Variants in DEFB134 observed in about 807,000 individuals in gnomAD.
The protein encoded by DEFB134 is defensin beta 134.
Under a neutral mutation model 7.4 loss-of-function variants are expected in DEFB134, and 7 were observed. The ratio of observed to expected loss-of-function variants is 0.95; its 90% CI spans 0.54 to 1.79. DEFB134 has a LOEUF of 1.79. Ranked by LOEUF, DEFB134 falls within the 40% of genes most tolerant of loss-of-function variation. The probability of loss-of-function intolerance (pLI) is 0.00; values close to 1 mark genes in which losing one functional copy is unlikely to be tolerated. For missense variants in DEFB134, 105 were observed against 74.8 expected, an observed-to-expected ratio of 1.40 and a Z score of -1.49; for synonymous variants, 33 against 25.0, an observed-to-expected ratio of 1.32 and a Z score of -0.96.
exon 2 of DEFB134, chr8:11,994,092 T>C (rs887961408): frequency 6.2e-7 from 1 of 1,613,478 alleles, no homozygotes; most frequent in Non-Finnish European, 8.5e-7. Flanking sequence ...ATAGCATTTC[T>C]TGTGCATTTC....
upstream of DEFB134, chr8:11,999,170 A>T (rs1234924003): frequency 5.4e-6 from 1 of 183,824 alleles, no homozygotes; most frequent in African/African-American, 2.4e-5. Flanking sequence ...GCCTGGTCAT[A>T]TCATGTCCAA....
chr8:11,995,477 C>T (rs1251041533), intron 1 of DEFB134, among the ~76,000 whole-genome samples: 1 of 152,156 alleles, frequency 6.6e-6, no homozygotes, highest in East Asian at 1.9e-4. Flanking sequence ...GATGAGATTG[C>T]TAAAGTCGGA....
upstream of DEFB134, among the ~76,000 whole-genome samples, chr8:11,996,897 A>T (rs1800138902): frequency 6.6e-6 from 1 of 152,322 alleles, no homozygotes; most frequent in East Asian, 1.9e-4. Context: ...GTTACTATTT[A>T]AAAAAACATT....
At chr8:11,996,601 G>T (rs988513509), upstream of DEFB134, among the ~76,000 whole-genome samples, 1 of 152,186 alleles carries the variant, frequency 6.6e-6, no homozygotes, top group East Asian at 1.9e-4. Context: ...CAATAAAAAT[G>T]TAATTGCTAA....
chr8:12,000,246 A>C (rs1447875965), upstream of DEFB134, among the ~76,000 whole-genome samples: 1 of 151,870 alleles, frequency 6.6e-6, no homozygotes, highest in Non-Finnish European at 1.5e-5. Flanking sequence ...TTTTTTTCAT[A>C]GCACTTGTCA....
upstream of DEFB134, among the ~76,000 whole-genome samples, chr8:11,996,796 G>C (rs78200062): frequency 0.017 from 2,572 of 152,132 alleles, 44 homozygotes; most frequent in Non-Finnish European, 0.025. Context: ...TTTGTAACTT[G>C]ATATATACTA....
intron 1 of DEFB134, 89 bp downstream of exon 2, chr8:11,996,105 C>T (rs2150559716): frequency 6.8e-7 from 1 of 1,475,638 alleles, no homozygotes; most frequent in East Asian, 2.3e-5. Flanking sequence ...AATTAAAGGG[C>T]CCATGGGTGG....
At chr8:11,994,241 C>G in intron 1 of DEFB134, 119 bp from the exon 3 acceptor site, 1 of 1,259,154 alleles carries the variant, frequency 7.9e-7, no homozygotes, top group Non-Finnish European at 1.1e-6. Context: ...ATAATTGATC[C>G]TGTAACTGAA....
chr8:11,999,381 T>C (rs184452749), upstream of DEFB134: 158 of 209,234 alleles, frequency 7.6e-4, no homozygotes, highest in Admixed American at 1.6e-3. Flanking sequence ...AAAGAAAGTG[T>C]TGAATATGAC....
chr8:12,000,718 T>C (rs1390265939), upstream of DEFB134, among the ~76,000 whole-genome samples: 1 of 152,230 alleles, frequency 6.6e-6, no homozygotes, highest in Non-Finnish European at 1.5e-5. Flanking sequence ...TGTGCTATGC[T>C]CACTCTTCTT....
rs199834051 is a variant in DEFB134, at chr8:11,993,952, G to C, written c.*28C>G. 111 of 1,608,546 alleles carry C rather than the reference G, an allele frequency of 6.9e-5. 1 individual carries two copies. In the South Asian group the frequency reaches 1.1e-3, roughly 16 times the overall value. On this transcript the variant is annotated 3_prime_UTR_variant, in exon 2 of 2. Coordinates refer to ENST00000526438, the Ensembl canonical transcript of DEFB134. ...AGATGGCAGAATCAAGGGCCTACAG[G>C]ATAGTGGCCATTCATTGGTTTCTTA...
chr8:11,994,324 G>C (rs188844536), intron 1 of DEFB134, among the ~76,000 whole-genome samples: 2 of 152,310 alleles, frequency 1.3e-5, no homozygotes, highest in Admixed American at 1.3e-4. Flanking sequence ...CCCCTGATGT[G>C]ACTGTCTTTA....
At chr8:11,993,988 C>G in exon 2 of DEFB134, 1 of 1,612,864 alleles carries the variant, frequency 6.2e-7, no homozygotes, top group Non-Finnish European at 8.5e-7. Flanking sequence ...TGTCAGGGTG[C>G]AGGATTTCCT....
upstream of DEFB134, chr8:11,999,530 T>G (rs1218316633): frequency 6.6e-6 from 1 of 152,262 alleles, no homozygotes; most frequent in African/African-American, 2.4e-5. Context: ...CAAATTCTTT[T>G]CCCCAGAACG....
upstream of DEFB134, chr8:11,996,367 C>A: frequency 8.6e-7 from 1 of 1,157,562 alleles, no homozygotes. Flanking sequence ...TGGGGTATGC[C>A]TCGCTTCAGG....
At chr8:11,994,223 T>C in intron 1 of DEFB134, 101 bp from the exon 3 acceptor site, 26 of 1,385,184 alleles carry the variant, frequency 1.9e-5, no homozygotes, top group Non-Finnish European at 2.5e-5. Flanking sequence ...CAAGGAGATT[T>C]GGTTATGATA....
upstream of DEFB134, among the ~76,000 whole-genome samples, chr8:12,000,223 G>C (rs912467512): frequency 6.6e-6 from 1 of 152,080 alleles, no homozygotes; most frequent in East Asian, 1.9e-4. Context: ...AAATTTTACA[G>C]CACCCATTCC....
upstream of DEFB134, among the ~76,000 whole-genome samples, chr8:12,000,227 C>G (rs548402008): frequency 1.3e-5 from 2 of 152,238 alleles, no homozygotes; most frequent in South Asian, 4.1e-4. Context: ...TTTACAGCAC[C>G]CATTCCTTTT....
At chr8:11,994,094 G>A (rs1005117053) in exon 2 of DEFB134, 1 of 1,613,012 alleles carries the variant, frequency 6.2e-7, no homozygotes, top group Non-Finnish European at 8.5e-7. Context: ...AGCATTTCTT[G>A]TGCATTTCTG....
Sources: gnomAD v4.1 joint callset for allele counts (sites outside exome capture counted in the v4.1 genomes callset) on GRCh38, gnomAD v4.1.1 for gene constraint, MANE v1.5 for transcripts, NCBI Gene and HGNC (gene_info 2026-07-23, HGNC 2026-07-21) for gene names.